The following RGS7 variants were observed in gnomAD, a reference collection of about 807,000 sequenced individuals.
RGS7 encodes regulator of G protein signaling 7, also known as regulator of G-protein signaling 7.
In RGS7, 27 loss-of-function variants were observed where a neutral mutation model predicts 81.1. That is an observed-to-expected ratio of 0.33 (90% CI 0.25 to 0.46). The LOEUF (loss-of-function observed/expected upper bound fraction) is 0.46, where lower values mean the gene tolerates loss of function less well. Among genes scored for constraint, RGS7 ranks in the 20% least tolerant of loss-of-function variants. RGS7 has a pLI of 1.00. For missense variants in RGS7, 396 were observed against 607.4 expected, an observed-to-expected ratio of 0.65 and a Z score of 3.66; for synonymous variants, 208 against 207.7, an observed-to-expected ratio of 1.00 and a Z score of -0.01.
At chr1:241,077,173 T>A (rs1331393845) in intron 3 of RGS7, among the ~76,000 whole-genome samples, 2 of 152,266 alleles carry the variant, frequency 1.3e-5, no homozygotes, top group African/African-American at 4.8e-5. Context: ...CTTTTAAAAA[T>A]AAACAGCTAG....
At chr1:241,015,447 T>C (rs530197989) in intron 3 of RGS7, among the ~76,000 whole-genome samples, 1 of 152,234 alleles carries the variant, frequency 6.6e-6, no homozygotes, top group Non-Finnish European at 1.5e-5. Context: ...GTTAGTAATT[T>C]GCGTAACTTA....
intron 6 of RGS7, among the ~76,000 whole-genome samples, chr1:240,930,501 T>C (rs1352640430): frequency 3.3e-5 from 5 of 152,138 alleles, no homozygotes. Context: ...AAGGCTTTCT[T>C]TAATAGTTGC....
intron 3 of RGS7, among the ~76,000 whole-genome samples, chr1:241,025,414 T>C (rs563762611): frequency 8.5e-5 from 13 of 152,348 alleles, no homozygotes; most frequent in Non-Finnish European, 1.6e-4. Context: ...ATCTCTGGTC[T>C]ACAGCCAGGG....
At position 241,315,185 on chromosome 1, in the gene RGS7, G is replaced by A. The variant is rs542996109; in HGVS notation, c.78+40514C>T. Among the ~76,000 whole-genome samples, 22 of 137,738 alleles carry A rather than the reference G, an allele frequency of 1.6e-4. 1 individual carries two copies. Among genetic ancestry groups the A allele is most frequent in the African/African-American group, 5.6e-4 (21 of 37,210 alleles). 90.4% of individuals were successfully genotyped at this position (137,738 alleles called of 152,430 possible). A position where few individuals can be genotyped will look rare whatever the true frequency, so the allele number is the denominator to read the frequency against. ...ACTTGGGGCTGAGGGAGAGAGGAGT[G>A]CCAGAAATCAAGACAGTCTTAATAA... On this transcript the variant is annotated intron_variant, in intron 2 of 18. Transcript: ENST00000440928.
intron 14 of RGS7, among the ~76,000 whole-genome samples, chr1:240,808,624 G>A (rs1689291369): frequency 6.6e-6 from 1 of 152,182 alleles, no homozygotes; most frequent in Admixed American, 6.5e-5. Flanking sequence ...TGCAGCAGAT[G>A]ACATGCTCAC....
Position 241,306,829 on chromosome 1 carries a change from C to A in RGS7, c.78+48870G>T, listed in dbSNP as rs146469772. On this transcript the variant is annotated intron_variant, in intron 2 of 18. Transcript: ENST00000440928. ...CCTGTGTGCACACACATACACACATCTATCCACTCACATACACACAACACC... is the reference window on the plus strand; with the variant it reads ...CCTGTGTGCACACACATACACACATATATCCACTCACATACACACAACACC... Among the ~76,000 whole-genome samples the A allele has an allele frequency of 1.1e-3, 161 of 152,238 alleles. 1 individual carries two copies. The highest frequency in any genetic ancestry group is 3.1e-3 in the African/African-American group (129 of 41,532).
intron 3 of RGS7, among the ~76,000 whole-genome samples, chr1:241,045,365 T>C (rs974709216): frequency 3.9e-5 from 6 of 152,108 alleles, no homozygotes. Flanking sequence ...TACTTACTTA[T>C]TTATTTATTT....
At chr1:241,324,588 CT>C (rs756034086) in intron 2 of RGS7, among the ~76,000 whole-genome samples, 3 of 152,216 alleles carry the variant, frequency 2.0e-5, no homozygotes, top group Admixed American at 6.5e-5. Flanking sequence ...ATTAAATACT[CT>C]TCTGGAACAC....
chr1:240,784,201 A>AAC (rs1553300792), intron 18 of RGS7, among the ~76,000 whole-genome samples: 7 of 151,920 alleles, frequency 4.6e-5, no homozygotes, highest in Non-Finnish European at 7.4e-5. Context: ...AAAAAAACAA[A>AAC]AAAACAAAAC....
At chr1:240,789,051 G>A (rs1357814250) in intron 18 of RGS7, among the ~76,000 whole-genome samples, 9 of 152,188 alleles carry the variant, frequency 5.9e-5, no homozygotes, top group Non-Finnish European at 1.3e-4. Flanking sequence ...GGGACCGGCT[G>A]AAGCCATGGC....
intron 18 of RGS7, among the ~76,000 whole-genome samples, chr1:240,797,236 G>A (rs1295899192): frequency 6.6e-6 from 1 of 152,170 alleles, no homozygotes; most frequent in Non-Finnish European, 1.5e-5. Context: ...TATGAATCTT[G>A]ATTGAAGGTG....
chr1:241,027,648 T>A (rs1028019352), intron 3 of RGS7, among the ~76,000 whole-genome samples: 9 of 152,038 alleles, frequency 5.9e-5, no homozygotes, highest in African/African-American at 2.2e-4. Flanking sequence ...GACTTGATGA[T>A]GGGTGAAGCG....
chr1:241,235,011 T>C (rs2075851608), intron 2 of RGS7, among the ~76,000 whole-genome samples: 1 of 152,244 alleles, frequency 6.6e-6, no homozygotes, highest in African/African-American at 2.4e-5. Flanking sequence ...ATCTAATTTC[T>C]ATTCTAATTT....
At chr1:241,133,650 T>C (rs565685210) in intron 2 of RGS7, among the ~76,000 whole-genome samples, 1 of 152,326 alleles carries the variant, frequency 6.6e-6, no homozygotes, top group African/African-American at 2.4e-5. Context: ...ATTATAAACG[T>C]AATTTCCCTT....
Position 240,824,255 on chromosome 1 carries a change from G to A in RGS7, c.684+2843C>T, listed in dbSNP as rs12037226. 8.0e-4 allele frequency among the ~76,000 whole-genome samples: 122 copies of A among 152,246 alleles called. 1 individual carries two copies. The East Asian group carries it at 0.021, about 26-fold the overall frequency. ...AGATTGTTACTTTAGGGATTTACTG[G>A]GTCCTTTATTCTTGTCACGGCACGT... is the stretch of plus-strand genomic sequence containing the variant. On this transcript the variant is annotated intron_variant, in intron 10 of 18. Coordinates refer to ENST00000440928, the MANE Select transcript of RGS7 (RefSeq NM_001364886.1).
At chr1:241,021,357 T>G (rs1160697967) in intron 3 of RGS7, among the ~76,000 whole-genome samples, 1 of 152,170 alleles carries the variant, frequency 6.6e-6, no homozygotes, top group African/African-American at 2.4e-5. Flanking sequence ...CAACAAAGGT[T>G]GTTTCAAAAA....
Position 240,800,717 on chromosome 1 carries a change from C to G in RGS7, c.1418G>C (p.Arg473Thr). 1 of 1,541,758 alleles carries G rather than the reference C, an allele frequency of 6.5e-7. No individual in the cohort carries two copies. Among genetic ancestry groups the G allele is most frequent in the Non-Finnish European group, 8.8e-7 (1 of 1,139,936 alleles). Residue 473 changes from arginine (R) to threonine (T), a missense_variant, in exon 18 of 19, where the codon AGA becomes ACA. By Grantham distance (71) the Arg-to-Thr change is moderately conservative. Transcript: ENST00000440928. The stretch of plus-strand genomic sequence containing the variant: ...ATGGCATGGGAAAATAGGGATGTTT[C>G]TGCCCTATAAAAATAAATGTGTTGA... ...SFEKFAQNVG[R>T]NIPIFPCHKN...
chr1:240,995,326 A>T (rs1226566675), intron 3 of RGS7, among the ~76,000 whole-genome samples: 8 of 152,116 alleles, frequency 5.3e-5, no homozygotes. Context: ...TCTAGTTTTG[A>T]CATCAGGGTA....
At chr1:241,277,910 T>G (rs1327002553) in intron 2 of RGS7, among the ~76,000 whole-genome samples, 1 of 152,214 alleles carries the variant, frequency 6.6e-6, no homozygotes, top group Non-Finnish European at 1.5e-5. Context: ...CTGAGTTGCA[T>G]CTTTAGTTTT....
Sources: gnomAD v4.1 joint callset for allele counts (sites outside exome capture counted in the v4.1 genomes callset) on GRCh38, gnomAD v4.1.1 for gene constraint, MANE v1.5 for transcripts, NCBI Gene and HGNC (gene_info 2026-07-23, HGNC 2026-07-21) for gene names.